Variants in SYBU observed in about 807,000 individuals in gnomAD.
SYBU encodes GOLSYN A protein.
A neutral mutation model predicts 35.9 loss-of-function variants in SYBU; 21 were observed. The observed-to-expected ratio is 0.58, with a 90% CI of 0.41 to 0.84. The LOEUF is 0.84. Among genes scored for constraint, SYBU ranks in the 40% least tolerant of loss-of-function variants. The probability of loss-of-function intolerance (pLI) is 0.00; values close to 1 mark genes in which losing one functional copy is unlikely to be tolerated. For missense variants in SYBU, 768 were observed against 848.2 expected (o/e 0.91, Z 1.17); for synonymous variants, 319 against 324.3 (o/e 0.98, Z 0.18).
chr8:109,675,619 C>A (rs1817159209), intron 1 of SYBU, among the ~76,000 whole-genome samples: 1 of 152,160 alleles, frequency 6.6e-6, no homozygotes. Flanking sequence ...AGACCAATAA[C>A]AAGTTCTGAA....
chr8:109,637,092 G>A (rs1400774077), intron 2 of SYBU, among the ~76,000 whole-genome samples: 1 of 152,168 alleles, frequency 6.6e-6, no homozygotes, highest in Non-Finnish European at 1.5e-5. Context: ...AAAGAAGTGA[G>A]GCTCAGCCTT....
intron 2 of SYBU, among the ~76,000 whole-genome samples, chr8:109,624,230 C>T (rs1812739237): frequency 6.6e-6 from 1 of 152,070 alleles, no homozygotes; most frequent in South Asian, 2.1e-4. Context: ...GCCCCTTTCA[C>T]CCCCAAAATG....
At chr8:109,671,671 T>G (rs1816986061) in intron 1 of SYBU, among the ~76,000 whole-genome samples, 1 of 152,248 alleles carries the variant, frequency 6.6e-6, no homozygotes, top group Admixed American at 6.5e-5. Context: ...AGCCAATCTC[T>G]AATTCAATTT....
intron 2 of SYBU, among the ~76,000 whole-genome samples, chr8:109,627,089 A>G (rs1411665694): frequency 1.3e-5 from 2 of 152,206 alleles, no homozygotes; most frequent in African/African-American, 4.8e-5. Context: ...ATTTTGTGCC[A>G]TAATGTCTTG....
In SYBU at chr8:109,618,811, T is replaced by C. The variant is rs1325511485; in HGVS notation, c.427+31A>G. 2.5e-6 allele frequency: 4 copies of C among 1,603,414 alleles called. No individual in the cohort carries two copies. In the South Asian group the frequency reaches 3.3e-5, roughly 13 times the overall value. ...TGAAACTACTCCCATCACATTGTTCTGATGAAAACATGACGAGTAAGTTCA... is the reference window on the plus strand; with the variant it reads ...TGAAACTACTCCCATCACATTGTTCCGATGAAAACATGACGAGTAAGTTCA... On this transcript the variant is annotated intron_variant, in intron 3 of 6. Coordinates refer to ENST00000276646, the MANE Select transcript of SYBU (RefSeq NM_001099754.2).
chr8:109,681,968 C>T (rs4354282), upstream of SYBU, among the ~76,000 whole-genome samples: 13,484 of 152,176 alleles, frequency 0.089, 677 homozygotes, highest in East Asian at 0.12. Flanking sequence ...ACTGCTGCTA[C>T]GTGAAGAAGG....
At chr8:109,610,780 T>C (rs769415233) in intron 3 of SYBU, among the ~76,000 whole-genome samples, 9 of 152,222 alleles carry the variant, frequency 5.9e-5, no homozygotes, top group Non-Finnish European at 1.2e-4. Context: ...CCTTTTCTGC[T>C]GGTGGCTGCA....
intron 1 of SYBU, among the ~76,000 whole-genome samples, chr8:109,670,862 G>C (rs1047555996): frequency 6.6e-6 from 1 of 152,070 alleles, no homozygotes; most frequent in Non-Finnish European, 1.5e-5. Flanking sequence ...GAAACAAGAG[G>C]GAAGGAGGGA....
chr8:109,664,401 T>C (rs1187274855), intron 1 of SYBU, among the ~76,000 whole-genome samples: 1 of 152,068 alleles, frequency 6.6e-6, no homozygotes, highest in East Asian at 1.9e-4. Flanking sequence ...AAGAAAAGAC[T>C]AAGAAATGCT....
At chr8:109,651,448 CTTTTTTTTTTTTTT>C (rs535652540) in intron 1 of SYBU, among the ~76,000 whole-genome samples, 3 of 64,466 alleles carry the variant, frequency 4.7e-5, no homozygotes, top group Non-Finnish European at 6.1e-5. Context: ...GAAATTGAGA[CTTTTTTTTTTTTTT>C]TTTTTTTTTT....
intron 1 of SYBU, among the ~76,000 whole-genome samples, chr8:109,690,532 A>G (rs1817621773): frequency 6.6e-6 from 1 of 152,178 alleles, no homozygotes; most frequent in African/African-American, 2.4e-5. Flanking sequence ...CGCAAGAGGA[A>G]CCTAGCAGTG....
At chr8:109,578,554 A>G (rs887249994) in intron 5 of SYBU, among the ~76,000 whole-genome samples, 11 of 152,350 alleles carry the variant, frequency 7.2e-5, no homozygotes, top group African/African-American at 2.4e-4. Context: ...TGCCGATCTT[A>G]GGACTGTTAA....
chr8:109,587,602 C>CTA (rs1823772073), intron 3 of SYBU, among the ~76,000 whole-genome samples: 1 of 152,202 alleles, frequency 6.6e-6, no homozygotes, highest in Non-Finnish European at 1.5e-5. Flanking sequence ...CTCTGGCCTA[C>CTA]TAGGGAACAG....
At chr8:109,585,133 G>A (rs1209771535) in intron 4 of SYBU, among the ~76,000 whole-genome samples, 1 of 152,038 alleles carries the variant, frequency 6.6e-6, no homozygotes, top group African/African-American at 2.4e-5. Context: ...ATATAATTTT[G>A]TGGAGTTTTG....
chr8:109,666,912 T>C (rs952639442), intron 1 of SYBU, among the ~76,000 whole-genome samples: 1 of 152,164 alleles, frequency 6.6e-6, no homozygotes, highest in Non-Finnish European at 1.5e-5. Context: ...TCCCACCTTC[T>C]CCATCTTAAT....
intron 1 of SYBU, among the ~76,000 whole-genome samples, chr8:109,679,267 T>A (rs1393054154): frequency 6.6e-6 from 1 of 152,148 alleles, no homozygotes; most frequent in Non-Finnish European, 1.5e-5. Context: ...CCCAGAAAAC[T>A]CATGAATAAT....
chr8:109,590,062 C>A (rs562349330), intron 3 of SYBU, among the ~76,000 whole-genome samples: 1 of 152,106 alleles, frequency 6.6e-6, no homozygotes, highest in African/African-American at 2.4e-5. Context: ...TCCACCCATC[C>A]CCCCAAAATA....
intron 1 of SYBU, chr8:109,644,218 A>T (rs1271375060): frequency 2.1e-6 from 1 of 471,904 alleles, no homozygotes; most frequent in East Asian, 6.4e-5. Flanking sequence ...TCTGCCGCCC[A>T]GCAGGTACCA....
At chr8:109,649,748 TG>T (rs1433138069), upstream of SYBU, among the ~76,000 whole-genome samples, 1 of 152,306 alleles carries the variant, frequency 6.6e-6, no homozygotes, top group East Asian at 1.9e-4. Flanking sequence ...GCACGGTGAT[TG>T]CATTAAACAA....
Sources: allele counts gnomAD v4.1 joint callset (sites outside exome capture counted in the v4.1 genomes callset), GRCh38; gene constraint gnomAD v4.1.1; transcripts MANE v1.5; gene names NCBI Gene and HGNC (gene_info 2026-07-23, HGNC 2026-07-21).